CDRT4: variants seen among roughly 807,000 people sequenced by gnomAD.
The protein encoded by CDRT4 is CMT1A duplicated region transcript 4 protein.
For synonymous variants in CDRT4, 64 were observed against 69.6 expected (o/e 0.92, Z 0.40); for missense variants, 167 against 193.1 (o/e 0.87, Z 0.80).
chr17:15,464,729 A>G lies in CDRT4; in HGVS notation c.-130+2731T>C, dbSNP rs1268566778. 6.6e-6 allele frequency among the ~76,000 whole-genome samples: 1 copy of G among 152,018 alleles called. No individual in the cohort carries two copies. Among genetic ancestry groups the G allele is most frequent in the Non-Finnish European group, 1.5e-5 (1 of 68,014 alleles). ...TAAACAATTCTTCCATTGACCCCCA[A>G]GCTTCCGTTACTTGTATTTTGCTCC... On this transcript the variant is annotated intron_variant, in intron 1 of 3. Coordinates refer to ENST00000619038, the MANE Select transcript of CDRT4 (RefSeq NM_001204477.2). This position sits in a 1 kb window ranked among gnomAD's most constrained non-coding sequence, Gnocchi z 4.5.
rs73978240 is a variant in CDRT4 at position 15,443,085 on chromosome 17, A to G, written c.-47-2800T>C. 8.3e-3 allele frequency among the ~76,000 whole-genome samples: 1,265 copies of G among 152,116 alleles called. 14 individuals carry two copies. Among genetic ancestry groups the G allele is most frequent in the African/African-American group, 0.029 (1,193 of 41,496 alleles). On this transcript the variant is annotated intron_variant, in intron 2 of 3. Transcript: ENST00000619038. ...AGCCAGCTCCCCACTCCCCCGCTCA[A>G]TCTCTCATCCCACCATTTTCAGAAT... is the stretch of plus-strand genomic sequence containing the variant.
chr17:15,439,273 TAA>T (rs10707095), intron 3 of CDRT4: 352 of 367,844 alleles, frequency 9.6e-4, no homozygotes, highest in East Asian at 3.0e-3. Context: ...TGAATGCAGT[TAA>T]AAAAAAAAAT....
Position 15,453,587 on chromosome 17 carries a change from T to C in CDRT4, c.-129-502A>G, listed in dbSNP as rs535540284. On this transcript the variant is annotated intron_variant, in intron 1 of 3. Coordinates refer to ENST00000619038, the MANE Select transcript of CDRT4 (RefSeq NM_001204477.2). The stretch of plus-strand genomic sequence containing the variant: ...CTTTAAAAACCACCCTCGTGCAGCA[T>C]TGCAGAAAAACCACCCTCTCTTTAC... 1.2e-4 allele frequency among the ~76,000 whole-genome samples: 18 copies of C among 152,314 alleles called. No individual in the cohort carries two copies. The East Asian group carries it at 2.1e-3, about 18-fold the overall frequency.
intron 3 of CDRT4, among the ~76,000 whole-genome samples, chr17:15,438,653 TTTC>T (rs1978615776): frequency 6.6e-6 from 1 of 152,222 alleles, no homozygotes; most frequent in African/African-American, 2.4e-5. Flanking sequence ...CTTGAACAAG[TTTC>T]TTAACCTTGC....
intron 1 of CDRT4, among the ~76,000 whole-genome samples, chr17:15,459,868 A>G (rs908668162): frequency 1.3e-5 from 2 of 151,936 alleles, no homozygotes; most frequent in African/African-American, 4.8e-5. Context: ...TGCTTATCTC[A>G]TCTGACCTGT....
At chr17:15,467,031 C>A (rs1420711829) in intron 1 of CDRT4, among the ~76,000 whole-genome samples, 4 of 151,948 alleles carry the variant, frequency 2.6e-5, no homozygotes, top group Admixed American at 2.6e-4. Context: ...GTGGGAACAT[C>A]ATCACCCTCA....
intron 1 of CDRT4, among the ~76,000 whole-genome samples, chr17:15,465,767 T>C (rs1274037464): frequency 5.3e-5 from 8 of 152,168 alleles, no homozygotes; most frequent in African/African-American, 1.2e-4. Context: ...CCTTCCAATA[T>C]GGCAGCCAAG....
Position 15,437,483 on chromosome 17 carries a change from G to C in CDRT4, c.*290C>G, listed in dbSNP as rs1369750196. The C allele has an allele frequency of 6.3e-6, 3 of 475,082 alleles. No individual in the cohort carries two copies. The highest frequency in any genetic ancestry group is 5.8e-5 in the African/African-American group (3 of 51,756). 29.4% of individuals were successfully genotyped at this position (475,082 alleles called of 1,614,324 possible). A position where few individuals can be genotyped will look rare whatever the true frequency, so the allele number is the denominator to read the frequency against. ...TTGTGTGATTTCTGTCTCCTGCCTGGACCCAGACAAATCACCCACATTTTG... is the reference window on the plus strand; with the variant it reads ...TTGTGTGATTTCTGTCTCCTGCCTGCACCCAGACAAATCACCCACATTTTG... On this transcript the variant is annotated 3_prime_UTR_variant, in exon 4 of 4. Transcript: ENST00000619038.
chr17:15,453,958 G>A (rs755706611), intron 1 of CDRT4, among the ~76,000 whole-genome samples: 16 of 152,186 alleles, frequency 1.1e-4, no homozygotes, highest in Non-Finnish European at 1.5e-4. Flanking sequence ...CACATGGTAA[G>A]AGCCTATTGG....
intron 1 of CDRT4, among the ~76,000 whole-genome samples, chr17:15,459,439 C>CT (rs35161691): frequency 0.029 from 3,094 of 107,506 alleles, 105 homozygotes; most frequent in Non-Finnish European, 0.04. Context: ...CTTTTTTTTT[C>CT]TTTTTTTTTT....
At chr17:15,459,353 C>T (rs1417346669) in intron 1 of CDRT4, among the ~76,000 whole-genome samples, 1 of 152,096 alleles carries the variant, frequency 6.6e-6, no homozygotes, top group East Asian at 1.9e-4. Flanking sequence ...TCTTCAGGCC[C>T]CTCCCCACAC....
intron 1 of CDRT4, among the ~76,000 whole-genome samples, chr17:15,463,402 A>C (rs966087723): frequency 1.3e-5 from 2 of 152,230 alleles, no homozygotes; most frequent in African/African-American, 4.8e-5. Flanking sequence ...AAGTGTCTAA[A>C]ACCAGAACAA....
chr17:15,445,066 G>C (rs1289992895), intron 2 of CDRT4, among the ~76,000 whole-genome samples: 3 of 152,176 alleles, frequency 2.0e-5, no homozygotes, highest in Non-Finnish European at 2.9e-5. Flanking sequence ...TTCCAGGCAG[G>C]ATTGATGGAT....
At position 15,454,140 on chromosome 17, in the gene CDRT4, T is replaced by C. The variant is rs568642790; in HGVS notation, c.-129-1055A>G. Reference sequence around the variant, plus strand: ...TGAAGTCATGGGAGGTCAGAAGACATGCTCAGGGGACCCTTCAACACAACT... The same window carrying C: ...TGAAGTCATGGGAGGTCAGAAGACACGCTCAGGGGACCCTTCAACACAACT... On this transcript the variant is annotated intron_variant, in intron 1 of 3. Transcript: ENST00000619038. Among the ~76,000 whole-genome samples, 4 of 152,244 alleles carry C rather than the reference T, an allele frequency of 2.6e-5. No individual in the cohort carries two copies. In the South Asian group the frequency reaches 6.2e-4, roughly 24 times the overall value.
chr17:15,459,966 C>T (rs1979674221), intron 1 of CDRT4, among the ~76,000 whole-genome samples: 1 of 152,158 alleles, frequency 6.6e-6, no homozygotes, highest in African/African-American at 2.4e-5. Flanking sequence ...CCCTGCTCCT[C>T]TGCTCCACTT....
chr17:15,452,758 T>C (rs1979319751), intron 2 of CDRT4: 2 of 152,256 alleles, frequency 1.3e-5, no homozygotes, highest in Admixed American at 1.3e-4. Context: ...CTAGGTGAAA[T>C]AGACAGGCCC....
chr17:15,438,090 T>G lies in CDRT4; in HGVS notation c.142A>C (p.Lys48Gln), dbSNP rs568668935. 5.8e-5 allele frequency: 94 copies of G among 1,614,174 alleles called. No individual in the cohort carries two copies. In the East Asian group the frequency reaches 1.9e-3, roughly 32 times the overall value. Residue 48 changes from lysine (K) to glutamine (Q), a missense_variant, in exon 4 of 4, where the codon AAA (lysine) becomes CAA (glutamine). By Grantham distance (53) the Lys-to-Gln change is moderately conservative. Transcript: ENST00000619038. ...QTVKRLIEKSKTRELECMRAL... is the reference protein window; with the variant it reads ...QTVKRLIEKSQTRELECMRAL... ...CGCATGCATTCCAGTTCTCTAGTTTTGCTTTTCTCAATGAGTCTTTTCACT... is the reference window on the plus strand; with the variant it reads ...CGCATGCATTCCAGTTCTCTAGTTTGGCTTTTCTCAATGAGTCTTTTCACT...
intron 2 of CDRT4, among the ~76,000 whole-genome samples, chr17:15,447,538 G>A (rs966034890): frequency 9.9e-5 from 15 of 152,150 alleles, no homozygotes; most frequent in African/African-American, 3.6e-4. Flanking sequence ...TTATAATGCT[G>A]AATTGGCTGA....
Position 15,436,959 on chromosome 17 carries a change from C to G in CDRT4, c.*814G>C, listed in dbSNP as rs1329048821. On this transcript the variant is annotated 3_prime_UTR_variant, in exon 4 of 4. Transcript: ENST00000619038. ...GCTAAAGGAGGAAGTAGGAAGTGGC[C>G]CCTTGCTCACTTCCTGTTTGCTTCC... 6.6e-6 allele frequency: 1 copy of G among 152,174 alleles called. No individual in the cohort carries two copies. Among genetic ancestry groups the G allele is most frequent in the Non-Finnish European group, 1.5e-5 (1 of 68,060 alleles). The allele number at this position is 152,174 out of a possible 1,614,324, so 9.4% of individuals were successfully genotyped here.
Sources: gnomAD v4.1 joint callset for allele counts (sites outside exome capture counted in the v4.1 genomes callset) on GRCh38, gnomAD v4.1.1 for gene constraint, Gnocchi (gnomAD v3.1) non-coding constraint, MANE v1.5 for transcripts, NCBI Gene and HGNC (gene_info 2026-07-23, HGNC 2026-07-21) for gene names.